The following ZNF681 variants were observed in gnomAD, a reference collection of about 807,000 sequenced individuals.
The protein encoded by ZNF681 is zinc finger protein 681, also known as hypothetical protein FLJ31526.
Under a neutral mutation model 56.0 loss-of-function variants are expected in ZNF681, and 37 were observed. The observed-to-expected ratio is 0.66, with a 90% confidence interval of 0.51 to 0.87. The LOEUF (loss-of-function observed/expected upper bound fraction) is 0.87, where lower values mean the gene tolerates loss of function less well. Ranked by LOEUF, ZNF681 falls within the 40% of genes least tolerant of loss-of-function variation. The pLI, the probability that ZNF681 is intolerant of heterozygous loss-of-function variation, is 0.00. For missense variants in ZNF681, 741 were observed against 744.9 expected (o/e 0.99, Z 0.06); for synonymous variants, 225 against 248.6 (o/e 0.91, Z 0.89).
Position 23,744,373 on chromosome 19 carries a change from G to T in ZNF681, c.1177C>A (p.Pro393Thr), listed in dbSNP as rs778473371. The part of the protein sequence containing the change: ...THKIIHTGEK[P>T]YKCEECGKAF... ...TTGCCACATTCTTCACATTTGTAGGGTTTCTCTCCAGTATGAATTATCTTA... is the reference window on the plus strand; with the variant it reads ...TTGCCACATTCTTCACATTTGTAGGTTTTCTCTCCAGTATGAATTATCTTA... Residue 393 changes from proline (P) to threonine (T), a missense_variant, in exon 4 of 4, where the codon CCC (proline) becomes ACC (threonine). Coordinates refer to ENST00000402377, the MANE Select transcript of ZNF681 (RefSeq NM_138286.3). 2 of 1,613,614 alleles carry T rather than the reference G, an allele frequency of 1.2e-6. No homozygotes were observed. Among genetic ancestry groups the T allele is most frequent in the African/African-American group, 1.3e-5 (1 of 74,954 alleles).
rs546610844 is a variant in ZNF681, at chr19:23,756,820, AT to A, written c.4-1270del. ...AAACTTAAAGTAAAATAGAAAAAAAATATATTATAAAAGACTATACTTAGAA... is the reference window on the plus strand; with the variant it reads ...AAACTTAAAGTAAAATAGAAAAAAAAATATTATAAAAGACTATACTTAGAA... On this transcript the variant is annotated intron_variant, in intron 1 of 3. Transcript: ENST00000402377. 3.0e-3 allele frequency among the ~76,000 whole-genome samples: 457 copies of A among 152,200 alleles called. 2 individuals carry two copies. The highest frequency in any genetic ancestry group is 9.9e-3 in the African/African-American group (410 of 41,518).
intron 1 of ZNF681, among the ~76,000 whole-genome samples, chr19:23,758,262 G>A (rs1215623942): frequency 6.6e-6 from 1 of 152,132 alleles, no homozygotes; most frequent in African/African-American, 2.4e-5. Context: ...CAATTTAGCC[G>A]GGCGTGGTGG....
In ZNF681 at chr19:23,758,669, T is replaced by C; in HGVS notation, c.3+78A>G. The C allele has an allele frequency of 4.3e-6, 7 of 1,611,282 alleles. No homozygotes were observed. In the South Asian group the frequency reaches 5.5e-5, roughly 13 times the overall value. On this transcript the variant is annotated intron_variant, in intron 1 of 3. Coordinates refer to ENST00000402377, the MANE Select transcript of ZNF681 (RefSeq NM_138286.3). ...CGAGGAGAACTCAGGGCGCAAATTG[T>C]GGAGCTGACTGCGGCGAGGTCTGAG...
At position 23,745,323 on chromosome 19, in the gene ZNF681, A is replaced by C. The variant is rs112195617; in HGVS notation, c.227T>G (p.Val76Gly). 3.3e-6 allele frequency: 5 copies of C among 1,525,732 alleles called. No individual in the cohort carries two copies. Among genetic ancestry groups the C allele is most frequent in the African/African-American group, 1.4e-5 (1 of 71,600 alleles). The allele number at this position is 1,525,732 out of a possible 1,614,324, so 94.5% of individuals were successfully genotyped here. A position where few individuals can be genotyped will look rare whatever the true frequency, so the allele number is the denominator to read the frequency against. Residue 76 changes from valine (V) to glycine (G), a missense_variant and splice_region_variant, in exon 4 of 4, where the codon GTT becomes GGT. Transcript: ENST00000402377. ...KRHRMVAEPP[V>G]ICSHFAQDFS... The stretch of plus-strand genomic sequence containing the variant: ...GTCTTGGGCAAAATGAGAACAAATA[A>C]CTGAAAGAAATAAAAATAACAAATG...
At chr19:23,754,753 C>T (rs1260719061) in intron 3 of ZNF681, 70 bp downstream of exon 3, 10 of 1,242,848 alleles carry the variant, frequency 8.0e-6, no homozygotes, top group African/African-American at 1.5e-5. Context: ...ATTATAAGCA[C>T]TAGCTTTTTC....
At chr19:23,749,189 C>G (rs1968988542) in intron 3 of ZNF681, among the ~76,000 whole-genome samples, 2 of 152,046 alleles carry the variant, frequency 1.3e-5, no homozygotes, top group African/African-American at 2.4e-5. Context: ...CACTTTAAGA[C>G]AAACTTCGAG....
At position 23,744,575 on chromosome 19, in the gene ZNF681, A is replaced by G. The variant is rs140925915; in HGVS notation, c.975T>C (p.Leu325=). 1.9e-6 allele frequency: 3 copies of G among 1,613,896 alleles called. No individual in the cohort carries two copies. Among genetic ancestry groups the G allele is most frequent in the Non-Finnish European group, 2.5e-6 (3 of 1,179,966 alleles). The change falls in exon 4 of 4, where the codon CTT becomes CTC. Residue 325 remains leucine, a synonymous_variant. Coordinates refer to ENST00000402377, the MANE Select transcript of ZNF681 (RefSeq NM_138286.3). Reference sequence around the variant, plus strand: ...CAGTATGAATTATCTTATGTCTGGTAAGGTGTGAGGACTGGTTGAAAGCTT... The same window carrying G: ...CAGTATGAATTATCTTATGTCTGGTGAGGTGTGAGGACTGGTTGAAAGCTT... The part of the protein sequence containing the change: ...CGKAFNQSSH[L]TRHKIIHTGE...
At position 23,745,319 on chromosome 19, in the gene ZNF681, A is replaced by C; in HGVS notation, c.231T>G (p.Ile77Met). The change falls in exon 4 of 4, where the codon ATT (isoleucine) becomes ATG (methionine). Residue 77 changes from isoleucine (I) to methionine (M), a missense_variant. Transcript: ENST00000402377. ...RHRMVAEPPV[I>M]CSHFAQDFSP... ...AAAAGTCTTGGGCAAAATGAGAACA[A>C]ATAACTGAAAGAAATAAAAATAACA... is the stretch of plus-strand genomic sequence containing the variant. The C allele has an allele frequency of 6.5e-7, 1 of 1,532,808 alleles. No individual in the cohort carries two copies. The highest frequency in any genetic ancestry group is 8.7e-7 in the Non-Finnish European group (1 of 1,146,040). 95.0% of individuals were successfully genotyped at this position (1,532,808 alleles called of 1,614,324 possible). A position where few individuals can be genotyped will look rare whatever the true frequency, so the allele number is the denominator to read the frequency against.
intron 3 of ZNF681, among the ~76,000 whole-genome samples, chr19:23,746,544 T>G (rs1277262100): frequency 6.6e-6 from 1 of 152,126 alleles, no homozygotes; most frequent in African/African-American, 2.4e-5. Flanking sequence ...CCAGCTCTCA[T>G]TTAAATTAAC....
chr19:23,751,051 C>CT (rs1357674999), intron 3 of ZNF681, among the ~76,000 whole-genome samples: 1 of 140,822 alleles, frequency 7.1e-6, no homozygotes, highest in South Asian at 2.3e-4. Flanking sequence ...ATTGCTTGAA[C>CT]CTGGGAGGTG....
chr19:23,755,807 C>A (rs1035801344), intron 1 of ZNF681, among the ~76,000 whole-genome samples: 1 of 152,054 alleles, frequency 6.6e-6, no homozygotes, highest in African/African-American at 2.4e-5. Flanking sequence ...CTAAATAAAT[C>A]GCCAGTCAGA....
Position 23,743,414 on chromosome 19 carries a change from A to T in ZNF681, c.*198T>A. ...CTCTGATGTTGAGTAAGATGTGAAC[A>T]GATATTAATGGCTTTTTCACATTCT... On this transcript the variant is annotated 3_prime_UTR_variant, in exon 4 of 4. Coordinates refer to ENST00000402377, the MANE Select transcript of ZNF681 (RefSeq NM_138286.3). The T allele has an allele frequency of 2.2e-6, 1 of 445,634 alleles. No individual in the cohort carries two copies. 27.6% of individuals were successfully genotyped at this position (445,634 alleles called of 1,614,324 possible). A position where few individuals can be genotyped will look rare whatever the true frequency, so the allele number is the denominator to read the frequency against.
intron 3 of ZNF681, among the ~76,000 whole-genome samples, chr19:23,747,352 C>G (rs1599454108): frequency 6.6e-6 from 1 of 151,944 alleles, no homozygotes; most frequent in East Asian, 1.9e-4. Flanking sequence ...TAAAAATCCC[C>G]AAAGTGGCCG....
chr19:23,743,628 G>C lies in ZNF681; in HGVS notation c.1922C>G (p.Ala641Gly). The C allele has an allele frequency of 1.7e-5, 25 of 1,500,196 alleles. No homozygotes were observed. The highest frequency in any genetic ancestry group is 2.2e-5 in the Non-Finnish European group (25 of 1,125,744). 92.9% of individuals were successfully genotyped at this position (1,500,196 alleles called of 1,614,324 possible). ...TTCACATTTCTAAGATTTCTCACCA[G>C]CATAATTTCTTTTATGTTTAGAAAA... ...SKFSKHKRNY[A>G]GEKS Residue 641 changes from alanine (A) to glycine (G), a missense_variant, in exon 4 of 4, where the codon GCT (alanine) becomes GGT (glycine). By Grantham distance (60) the Ala-to-Gly change is moderately conservative. Transcript: ENST00000402377.
At chr19:23,752,354 T>G (rs1969044321) in intron 3 of ZNF681, among the ~76,000 whole-genome samples, 1 of 152,200 alleles carries the variant, frequency 6.6e-6, no homozygotes, top group Admixed American at 6.5e-5. Flanking sequence ...ACCTTGGCCT[T>G]TACTGTGGTC....
intron 3 of ZNF681, among the ~76,000 whole-genome samples, chr19:23,745,668 G>T (rs1286269669): frequency 2.0e-5 from 3 of 151,474 alleles, no homozygotes; most frequent in Non-Finnish European, 2.9e-5. Flanking sequence ...GGCCAGGCTG[G>T]TCTCAAATTC....
rs182621814 is a variant in ZNF681 at position 23,743,374 on chromosome 19, T to C, written c.*238A>G. 6.1e-6 allele frequency: 2 copies of C among 326,030 alleles called. No homozygotes were observed. The highest frequency in any genetic ancestry group is 1.1e-4 in the East Asian group (2 of 18,614). 20.2% of individuals were successfully genotyped at this position (326,030 alleles called of 1,614,324 possible). ...ACAGTAATTGCATGTATAATGCTTT[T>C]ATTAAGTATGAAATCTCTGATGTTG... is the stretch of plus-strand genomic sequence containing the variant. On this transcript the variant is annotated 3_prime_UTR_variant, in exon 4 of 4. Transcript: ENST00000402377.
chr19:23,756,023 T>G (rs139365300), intron 1 of ZNF681, among the ~76,000 whole-genome samples: 105 of 152,118 alleles, frequency 6.9e-4, no homozygotes, highest in African/African-American at 2.5e-3. Context: ...TATAAATAAT[T>G]CTACTATAAA....
At chr19:23,753,398 CA>C (rs199632293) in intron 3 of ZNF681, among the ~76,000 whole-genome samples, 2 of 151,584 alleles carry the variant, frequency 1.3e-5, no homozygotes, top group Admixed American at 6.6e-5. Context: ...GACTCTGTCT[CA>C]AAAAAAAATC....
Sources: allele counts gnomAD v4.1 joint callset (sites outside exome capture counted in the v4.1 genomes callset), GRCh38; gene constraint gnomAD v4.1.1; transcripts MANE v1.5; gene names NCBI Gene and HGNC (gene_info 2026-07-23, HGNC 2026-07-21).